LRRC69: variants seen among roughly 807,000 people sequenced by gnomAD.
LRRC69 encodes leucine-rich repeat-containing protein 69.
In LRRC69, 42 loss-of-function variants were observed where a neutral mutation model predicts 37.8. That is an observed-to-expected ratio of 1.11 (90% CI 0.87 to 1.44). The LOEUF is 1.44. Ranked by LOEUF, LRRC69 falls within the 40% of genes most tolerant of loss-of-function variation. LRRC69 has a pLI of 0.00. For synonymous variants in LRRC69, 141 were observed against 143.1 expected (o/e 0.99, Z 0.11); for missense variants, 357 against 401.9 (o/e 0.89, Z 0.96).
At chr8:91,122,972 G>C (rs1238078596) in intron 1 of LRRC69, among the ~76,000 whole-genome samples, 2 of 152,090 alleles carry the variant, frequency 1.3e-5, no homozygotes, top group South Asian at 4.1e-4. Context: ...GGTGGACCCA[G>C]TGTAATTATG....
Position 91,196,858 on chromosome 8 carries a change from C to T in LRRC69, c.754-3755C>T, listed in dbSNP as rs1004545740. On this transcript the variant is annotated intron_variant, in intron 6 of 7. Coordinates refer to ENST00000448384, the Ensembl canonical transcript of LRRC69. ...CTCTCAGCTTGTCAAAGTTGTTCTC[C>T]GTCCAGCTTTGTTCCATTGCTGGTG... Among the ~76,000 whole-genome samples the T allele has an allele frequency of 5.3e-5, 8 of 152,212 alleles. No homozygotes were observed. In the East Asian group the frequency reaches 1.2e-3, roughly 22 times the overall value.
intron 1 of LRRC69, among the ~76,000 whole-genome samples, chr8:91,117,680 GT>G (rs1813535155): frequency 6.7e-6 from 1 of 150,214 alleles, no homozygotes; most frequent in Non-Finnish European, 1.5e-5. Context: ...TAGCTTAGGG[GT>G]TTTTATTGGC....
chr8:91,127,444 A>G (rs1813736762), intron 3 of LRRC69, among the ~76,000 whole-genome samples: 1 of 151,840 alleles, frequency 6.6e-6, no homozygotes, highest in Non-Finnish European at 1.5e-5. Context: ...AGGTTCTTGG[A>G]GCTTGGTTAG....
At chr8:91,119,866 G>A (rs1458987452) in intron 1 of LRRC69, among the ~76,000 whole-genome samples, 1 of 151,834 alleles carries the variant, frequency 6.6e-6, no homozygotes, top group African/African-American at 2.4e-5. Flanking sequence ...TTGATGAAGA[G>A]CCCTTTCACT....
chr8:91,153,232 C>A (rs979272266), intron 5 of LRRC69, among the ~76,000 whole-genome samples: 1 of 151,402 alleles, frequency 6.6e-6, no homozygotes, highest in Non-Finnish European at 1.5e-5. Context: ...TCTTAGAGAA[C>A]TACAAGGAGA....
intron 5 of LRRC69, among the ~76,000 whole-genome samples, chr8:91,185,982 T>G (rs966229056): frequency 1.3e-5 from 2 of 152,188 alleles, no homozygotes; most frequent in African/African-American, 4.8e-5. Context: ...TCTCCCTCAT[T>G]GCTTTGGGCT....
At chr8:91,215,785 T>A (rs1320418061) in intron 7 of LRRC69, among the ~76,000 whole-genome samples, 2 of 152,148 alleles carry the variant, frequency 1.3e-5, no homozygotes, top group African/African-American at 4.8e-5. Flanking sequence ...GACAAAATCA[T>A]GAGGTTTTGT....
intron 7 of LRRC69, among the ~76,000 whole-genome samples, chr8:91,210,075 A>T (rs1376785120): frequency 2.6e-5 from 4 of 152,180 alleles, no homozygotes; most frequent in African/African-American, 9.6e-5. Context: ...CATAGACAGA[A>T]CCAACAACGA....
chr8:91,152,237 G>T (rs777655539), intron 5 of LRRC69, among the ~76,000 whole-genome samples: 2 of 151,494 alleles, frequency 1.3e-5, no homozygotes, highest in Middle Eastern at 3.2e-3. Flanking sequence ...TATTGCCTGC[G>T]TTTTCTTCTA....
At chr8:91,165,400 T>G (rs557094406) in intron 5 of LRRC69, among the ~76,000 whole-genome samples, 2 of 151,796 alleles carry the variant, frequency 1.3e-5, no homozygotes, top group Non-Finnish European at 2.9e-5. Flanking sequence ...GGTGACACAC[T>G]AGGTGACCCT....
At chr8:91,174,594 T>C (rs1008895548) in intron 5 of LRRC69, among the ~76,000 whole-genome samples, 1 of 152,250 alleles carries the variant, frequency 6.6e-6, no homozygotes, top group African/African-American at 2.4e-5. Context: ...ACAGCCTTCA[T>C]GAAATCTTTG....
intron 5 of LRRC69, among the ~76,000 whole-genome samples, chr8:91,146,341 T>A (rs1223789036): frequency 1.3e-5 from 2 of 151,878 alleles, no homozygotes; most frequent in Non-Finnish European, 2.9e-5. Flanking sequence ...GACAGGATCA[T>A]AAAGTCAGAG....
intron 5 of LRRC69, among the ~76,000 whole-genome samples, chr8:91,174,107 A>G (rs1288251385): frequency 6.2e-5 from 3 of 48,062 alleles, no homozygotes; most frequent in Admixed American, 3.2e-4. Context: ...TCACAATTCA[A>G]TGAGATGGAT....
chr8:91,166,617 A>T (rs2130573957), intron 5 of LRRC69, among the ~76,000 whole-genome samples: 1 of 151,848 alleles, frequency 6.6e-6, no homozygotes, highest in Non-Finnish European at 1.5e-5. Flanking sequence ...TATGCTCTGT[A>T]AAGCAAGAAG....
chr8:91,131,589 G>T (rs1813810588), intron 3 of LRRC69, among the ~76,000 whole-genome samples: 1 of 151,522 alleles, frequency 6.6e-6, no homozygotes, highest in African/African-American at 2.4e-5. Context: ...TTTGTTATAT[G>T]TACTCTTAAC....
At chr8:91,167,377 G>A (rs1185716712) in intron 5 of LRRC69, among the ~76,000 whole-genome samples, 3 of 151,366 alleles carry the variant, frequency 2.0e-5, no homozygotes, top group African/African-American at 7.3e-5. Flanking sequence ...TCACTATCAC[G>A]AGAACAGCCC....
At chr8:91,111,668 C>T (rs1412549069) in intron 1 of LRRC69, among the ~76,000 whole-genome samples, 3 of 151,826 alleles carry the variant, frequency 2.0e-5, no homozygotes, top group Non-Finnish European at 4.4e-5. Context: ...TTATAAGTGG[C>T]AGCTAAATGA....
At chr8:91,157,461 C>T (rs1377471830) in intron 5 of LRRC69, 4 of 1,603,646 alleles carry the variant, frequency 2.5e-6, no homozygotes, top group Non-Finnish European at 3.4e-6. Context: ...TGAAAATATG[C>T]AAGAAAGGAA....
At position 91,198,758 on chromosome 8, in the gene LRRC69, T is replaced by C. The variant is rs1399536866; in HGVS notation, c.754-1855T>C. ...CTTGACTTTTAAATAACACTGGAATTAGACCATCATTAAATTGTATACTCT... is the reference window on the plus strand; with the variant it reads ...CTTGACTTTTAAATAACACTGGAATCAGACCATCATTAAATTGTATACTCT... On this transcript the variant is annotated intron_variant, in intron 6 of 7. Transcript: ENST00000448384. Among the ~76,000 whole-genome samples the C allele has an allele frequency of 2.0e-5, 3 of 152,128 alleles. No individual in the cohort carries two copies. The East Asian group carries it at 5.8e-4, about 29-fold the overall frequency.
Sources: gnomAD v4.1 joint callset for allele counts (sites outside exome capture counted in the v4.1 genomes callset) on GRCh38, gnomAD v4.1.1 for gene constraint, MANE v1.5 for transcripts, NCBI Gene and HGNC (gene_info 2026-07-23, HGNC 2026-07-21) for gene names.